KLHL1: variants seen among roughly 807,000 people sequenced by gnomAD.
The protein encoded by KLHL1 is kelch like family member 1.
KLHL1 carries 47 observed loss-of-function variants against 77.7 expected under a neutral mutation model. The observed-to-expected ratio is 0.60, with a 90% CI of 0.48 to 0.77. The LOEUF (loss-of-function observed/expected upper bound fraction) is 0.77. Among genes scored for constraint, KLHL1 ranks in the 30% least tolerant of loss-of-function variants. The pLI is 0.00. For missense variants in KLHL1, 925 were observed against 910.8 expected (o/e 1.02, Z -0.20); for synonymous variants, 360 against 325.2 (o/e 1.11, Z -1.15).
chr13:69,768,086 G>A (rs1875391528), intron 7 of KLHL1, among the ~76,000 whole-genome samples: 1 of 152,082 alleles, frequency 6.6e-6, no homozygotes, highest in Non-Finnish European at 1.5e-5. Context: ...GTTGCACTCT[G>A]TGCTGAGAAA....
At chr13:69,987,957 T>G (rs11839969) in intron 1 of KLHL1, among the ~76,000 whole-genome samples, 2 of 151,812 alleles carry the variant, frequency 1.3e-5, no homozygotes, top group Non-Finnish European at 2.9e-5. Context: ...TCTTTTTTTT[T>G]AATTTATCTT....
In KLHL1 at chr13:70,107,995, C is replaced by T. The variant is rs1487459050; in HGVS notation, c.-296G>A. On this transcript the variant is annotated 5_prime_UTR_variant, in exon 1 of 11. Transcript: ENST00000377844. ...AAAAGCTGAGAATCCTCGATGCCCG[C>T]GCGAGAGCCCCGTGTTATGGCGAGG... is the stretch of plus-strand genomic sequence containing the variant. The T allele has an allele frequency of 2.3e-6, 1 of 442,932 alleles. No individual in the cohort carries two copies. Among genetic ancestry groups the T allele is most frequent in the Non-Finnish European group, 4.0e-6 (1 of 251,878 alleles). 27.4% of individuals were successfully genotyped at this position (442,932 alleles called of 1,614,324 possible). A position where few individuals can be genotyped will look rare whatever the true frequency, so the allele number is the denominator to read the frequency against.
intron 4 of KLHL1, among the ~76,000 whole-genome samples, chr13:69,882,955 C>A (rs1881058513): frequency 6.6e-6 from 1 of 152,126 alleles, no homozygotes; most frequent in African/African-American, 2.4e-5. Flanking sequence ...AAGAATAGGA[C>A]AGATAGGCCA....
chr13:69,816,417 C>A (rs998249615), intron 6 of KLHL1, among the ~76,000 whole-genome samples: 3 of 151,396 alleles, frequency 2.0e-5, no homozygotes, highest in African/African-American at 7.3e-5. Context: ...TGTGCCGCCA[C>A]GCCTGGCTAA....
chr13:70,081,855 T>A (rs1887399653), intron 1 of KLHL1, among the ~76,000 whole-genome samples: 1 of 152,176 alleles, frequency 6.6e-6, no homozygotes, highest in Non-Finnish European at 1.5e-5. Flanking sequence ...TTGTGGTAAT[T>A]TGTTAAGCAG....
intron 1 of KLHL1, among the ~76,000 whole-genome samples, chr13:70,026,579 T>C (rs1160913668): frequency 2.0e-5 from 3 of 152,106 alleles, no homozygotes; most frequent in African/African-American, 7.2e-5. Flanking sequence ...TTTGGGTCCG[T>C]TCCCTCATGA....
intron 5 of KLHL1, among the ~76,000 whole-genome samples, chr13:69,843,812 T>G (rs76837640): frequency 0.015 from 2,229 of 150,840 alleles, 59 homozygotes; most frequent in African/African-American, 0.052. Flanking sequence ...TAGCTTAGAC[T>G]TTTTTTTTAT....
At chr13:69,839,244 G>A (rs1468034814) in intron 5 of KLHL1, 82 bp from the exon 6 acceptor site, 3 of 946,810 alleles carry the variant, frequency 3.2e-6, no homozygotes, top group South Asian at 3.8e-5. Flanking sequence ...GAAGTTTAAT[G>A]TCTGTGATAT....
rs1566564282 is a variant in KLHL1, at chr13:70,086,606, GAAAGAAAGAAAGAAAGAAAGA to G, written c.497+20576_497+20596del. 1.6e-3 allele frequency among the ~76,000 whole-genome samples: 75 copies of G among 45,610 alleles called. 2 individuals are homozygous for G. Among genetic ancestry groups the G allele is most frequent in the African/African-American group, 5.5e-3 (71 of 12,846 alleles). The allele number at this position is 45,610 out of a possible 152,430, so 29.9% of individuals were successfully genotyped here. Reference sequence around the variant, plus strand: ...AAAAAAAAAAAAAGAAAGAAAGAAAGAAAGAAAGAAAGAAAGAAAGAAAGAAAAAAGAAAAAGAAAACAAGA... The same window carrying G: ...AAAAAAAAAAAAAGAAAGAAAGAAAGAAGAAAAAAGAAAAAGAAAACAAGA... On this transcript the variant is annotated intron_variant, in intron 1 of 10. Transcript: ENST00000377844.
rs866823672 is a variant in KLHL1, at chr13:70,107,027, A to G, written c.497+176T>C. Reference sequence around the variant, plus strand: ...AAAAGTGAGGTGTCTGAACCAATAGAAATTAATGAGCAAACTTGTAATGAA... The same window carrying G: ...AAAAGTGAGGTGTCTGAACCAATAGGAATTAATGAGCAAACTTGTAATGAA... On this transcript the variant is annotated intron_variant, in intron 1 of 10. Transcript: ENST00000377844. Among the ~76,000 whole-genome samples the G allele has an allele frequency of 3.9e-5, 6 of 152,334 alleles. 1 individual carries two copies. In the Middle Eastern group the frequency reaches 0.01, roughly 259 times the overall value.
At chr13:70,083,234 T>C (rs555088455) in intron 1 of KLHL1, among the ~76,000 whole-genome samples, 1 of 152,304 alleles carries the variant, frequency 6.6e-6, no homozygotes, top group South Asian at 2.1e-4. Flanking sequence ...CAAATTGTCG[T>C]CACTACTAAT....
intron 1 of KLHL1, among the ~76,000 whole-genome samples, chr13:70,092,846 G>A (rs200980634): frequency 9.2e-5 from 14 of 152,148 alleles, no homozygotes; most frequent in East Asian, 5.8e-4. Flanking sequence ...GAGTAGCCAC[G>A]CTTTCAGTGC....
chr13:69,893,513 C>T (rs1781353484), intron 4 of KLHL1, among the ~76,000 whole-genome samples: 2 of 152,104 alleles, frequency 1.3e-5, no homozygotes, highest in African/African-American at 2.4e-5. Flanking sequence ...GGATTACAGG[C>T]GTGAGCTACA....
chr13:70,091,993 G>T (rs1368827440), intron 1 of KLHL1, among the ~76,000 whole-genome samples: 1 of 152,116 alleles, frequency 6.6e-6, no homozygotes, highest in Non-Finnish European at 1.5e-5. Flanking sequence ...TATTTCTGGT[G>T]TCTCTAAATC....
chr13:70,068,783 ATAAC>A (rs911228912), intron 1 of KLHL1, among the ~76,000 whole-genome samples: 1 of 152,224 alleles, frequency 6.6e-6, no homozygotes, highest in African/African-American at 2.4e-5. Flanking sequence ...CCACATAAAA[ATAAC>A]AAACATGCAG....
At chr13:69,965,625 C>T (rs74584428) in intron 2 of KLHL1, among the ~76,000 whole-genome samples, 1 of 152,028 alleles carries the variant, frequency 6.6e-6, no homozygotes, top group Non-Finnish European at 1.5e-5. Flanking sequence ...TTAAGTTTAG[C>T]GAGGGAGACA....
At chr13:70,074,478 C>T (rs183621820) in intron 1 of KLHL1, among the ~76,000 whole-genome samples, 27 of 152,074 alleles carry the variant, frequency 1.8e-4, no homozygotes, top group Admixed American at 1.4e-3. Context: ...ACTCATATCC[C>T]ACCACTGATT....
intron 1 of KLHL1, among the ~76,000 whole-genome samples, chr13:70,027,807 C>A (rs1389986340): frequency 6.6e-6 from 1 of 151,992 alleles, no homozygotes; most frequent in Non-Finnish European, 1.5e-5. Flanking sequence ...TATCACTGAA[C>A]AAGCTGACTA....
Position 70,048,866 on chromosome 13 carries a change from C to A in KLHL1, c.497+58337G>T, listed in dbSNP as rs533540077. 1.8e-4 allele frequency among the ~76,000 whole-genome samples: 28 copies of A among 152,234 alleles called. No homozygotes were observed. The South Asian group carries it at 5.6e-3, about 30-fold the overall frequency. On this transcript the variant is annotated intron_variant, in intron 1 of 10. Coordinates refer to ENST00000377844, the MANE Select transcript of KLHL1 (RefSeq NM_020866.3). ...GTCTGTGGGCTGCGGGTTGGGGACC[C>A]CTGCTATAAACAATACTTTGAAAGG...
Sources: allele counts gnomAD v4.1 joint callset (sites outside exome capture counted in the v4.1 genomes callset), GRCh38; gene constraint gnomAD v4.1.1; transcripts MANE v1.5; gene names NCBI Gene and HGNC (gene_info 2026-07-23, HGNC 2026-07-21).